The following NUP210 variants were observed in gnomAD, a reference collection of about 807,000 sequenced individuals.
NUP210 encodes nuclear pore membrane glycoprotein 210.
NUP210 carries 151 observed loss-of-function variants against 196.0 expected under a neutral mutation model. The observed-to-expected ratio is 0.77, with a 90% CI of 0.67 to 0.88. The LOEUF is 0.88. Ranked by LOEUF, NUP210 falls within the 40% of genes least tolerant of loss-of-function variation. The pLI is 0.00. For missense variants in NUP210, 2,314 were observed against 2,493.7 expected (o/e 0.93, Z 1.53); for synonymous variants, 1,070 against 1,052.7 (o/e 1.02, Z -0.32).
At chr3:13,392,644 C>T (rs1439678430) in intron 3 of NUP210, among the ~76,000 whole-genome samples, 3 of 152,196 alleles carry the variant, frequency 2.0e-5, no homozygotes, top group Non-Finnish European at 4.4e-5. Context: ...ACCCTTCCCG[C>T]ATACCCCAGG....
chr3:13,360,968 C>T (rs1005030384), intron 14 of NUP210, among the ~76,000 whole-genome samples: 14 of 152,196 alleles, frequency 9.2e-5, no homozygotes, highest in African/African-American at 2.9e-4. Flanking sequence ...GAACCTTATG[C>T]GGGCCCCCAA....
chr3:13,394,268 C>A (rs1274338494), intron 3 of NUP210, among the ~76,000 whole-genome samples: 1 of 152,214 alleles, frequency 6.6e-6, no homozygotes, highest in Non-Finnish European at 1.5e-5. Flanking sequence ...TCTTTGGATA[C>A]CCTGAGCTAG....
At chr3:13,360,573 A>C (rs1576382306) in intron 14 of NUP210, 82 bp from the exon 15 acceptor site, 2 of 1,083,708 alleles carry the variant, frequency 1.8e-6, no homozygotes, top group Non-Finnish European at 2.6e-6. Context: ...CCACATCCTC[A>C]CCCCGCTTGT....
At position 13,341,880 on chromosome 3, in the gene NUP210, G is replaced by A. The variant is rs751608470; in HGVS notation, c.3096C>T (p.Ala1032=). The change falls in exon 23 of 40, where the codon GCC becomes GCT. Residue 1032 remains alanine, a synonymous_variant. Coordinates refer to ENST00000254508, the MANE Select transcript of NUP210 (RefSeq NM_024923.4). ...RAASPIITLV[A]LDEALDNYTI... ...TGTAGTTGTCAAGGGCTTCATCAAG[G>A]GCCCTGAAACAGAGGGAAGGGCTGG... is the stretch of plus-strand genomic sequence containing the variant. The A allele has an allele frequency of 6.2e-7, 1 of 1,614,146 alleles. No homozygotes were observed. The highest frequency in any genetic ancestry group is 2.2e-5 in the East Asian group (1 of 44,876).
rs534960040 is a variant in NUP210, at chr3:13,340,349, G to A, written c.3229-51C>T. The A allele has an allele frequency of 1.5e-5, 23 of 1,520,556 alleles. No individual in the cohort carries two copies. Among genetic ancestry groups the A allele is most frequent in the African/African-American group, 5.5e-5 (4 of 73,190 alleles). 94.2% of individuals were successfully genotyped at this position (1,520,556 alleles called of 1,614,324 possible). A position where few individuals can be genotyped will look rare whatever the true frequency, so the allele number is the denominator to read the frequency against. ...GACTACTGTGCCCCAAGCCCATGGC[G>A]CCAAGCATAACTCACACACTACATG... On this transcript the variant is annotated intron_variant, in intron 23 of 39. Coordinates refer to ENST00000254508, the MANE Select transcript of NUP210 (RefSeq NM_024923.4). This position sits in a 1 kb window ranked among gnomAD's most constrained non-coding sequence, Gnocchi z 4.0.
chr3:13,330,419 T>C (rs1472554366), intron 30 of NUP210, 41 bp downstream of exon 30: 8 of 1,591,588 alleles, frequency 5.0e-6, no homozygotes, highest in Non-Finnish European at 6.9e-6. Flanking sequence ...CTCAGTGCTA[T>C]TGCTTTCATT....
chr3:13,382,387 A>G (rs1309211485), intron 6 of NUP210, among the ~76,000 whole-genome samples: 1 of 152,206 alleles, frequency 6.6e-6, no homozygotes, highest in Non-Finnish European at 1.5e-5. Flanking sequence ...CCTCACTTGC[A>G]GACATGATGT....
Position 13,330,585 on chromosome 3 carries a change from C to G in NUP210, c.3985G>C (p.Val1329Leu), listed in dbSNP as rs746131631. The change falls in exon 30 of 40, where the codon GTT becomes CTT. Residue 1329 changes from valine (V) to leucine (L), a missense_variant. By Grantham distance (32) the Val-to-Leu change is conservative. Transcript: ENST00000254508. Reference sequence around the variant, plus strand: ...TTCTCATCAACATGCACAACTGGAACCTTTTCGGGTCCATCCAGGACGCGG... The same window carrying G: ...TTCTCATCAACATGCACAACTGGAAGCTTTTCGGGTCCATCCAGGACGCGG... Reference protein sequence around the residue: ...SYRVLDGPEKVPVVHVDEKGF... With the variant: ...SYRVLDGPEKLPVVHVDEKGF... 1 of 1,614,096 alleles carries G rather than the reference C, an allele frequency of 6.2e-7. No individual in the cohort carries two copies. Among genetic ancestry groups the G allele is most frequent in the African/African-American group, 1.3e-5 (1 of 74,940 alleles).
At chr3:13,393,845 G>C (rs545914650) in intron 3 of NUP210, among the ~76,000 whole-genome samples, 239 of 152,320 alleles carry the variant, frequency 1.6e-3, no homozygotes, top group Non-Finnish European at 2.6e-3. Flanking sequence ...AACCAGGAAA[G>C]CCAGGGATCC....
At chr3:13,419,827 G>C (rs1025446518) in intron 1 of NUP210, among the ~76,000 whole-genome samples, 1 of 152,018 alleles carries the variant, frequency 6.6e-6, no homozygotes, top group Non-Finnish European at 1.5e-5. Context: ...ACGGCCGCCA[G>C]GCTGCGCCCG....
Position 13,373,832 on chromosome 3 carries a change from G to A in NUP210, c.1473C>T (p.Ser491=). 6.2e-7 allele frequency: 1 copy of A among 1,614,048 alleles called. No individual in the cohort carries two copies. Among genetic ancestry groups the A allele is most frequent in the East Asian group, 2.2e-5 (1 of 44,882 alleles). Residue 491 remains serine, a synonymous_variant, in exon 12 of 40, where the codon AGC becomes AGT. Transcript: ENST00000254508. ...TGACAGTAACTGTGGCAACCAGGTG[G>A]CTTGACGAAGACCAGCTGAAGTTCC... ...GSGNFSWSSS[S]HLVATVTVKG...
intron 29 of NUP210, 87 bp from the exon 30 acceptor site, chr3:13,330,721 G>A (rs1696962624): frequency 7.7e-7 from 1 of 1,299,932 alleles, no homozygotes; most frequent in African/African-American, 1.5e-5. Context: ...AAGAGTCTGT[G>A]GCTCCTCATG....
chr3:13,352,307 G>A (rs1038425382), intron 18 of NUP210, 123 bp from the exon 19 acceptor site: 8 of 666,342 alleles, frequency 1.2e-5, no homozygotes, highest in Non-Finnish European at 1.8e-5. Context: ...TGGTGCTCCT[G>A]AGCCCAGCAG....
At chr3:13,346,799 G>A (rs866991057) in intron 20 of NUP210, among the ~76,000 whole-genome samples, 1 of 152,190 alleles carries the variant, frequency 6.6e-6, no homozygotes, top group Admixed American at 6.5e-5. Context: ...TCAACGTCAC[G>A]TGATGGGCCA....
chr3:13,398,024 G>A (rs1474869970), intron 2 of NUP210, among the ~76,000 whole-genome samples: 2 of 152,214 alleles, frequency 1.3e-5, no homozygotes, highest in Non-Finnish European at 2.9e-5. Flanking sequence ...CAAGTGTAAG[G>A]ATAGCAGCAA....
intron 3 of NUP210, among the ~76,000 whole-genome samples, chr3:13,394,321 A>G (rs564057935): frequency 6.6e-6 from 1 of 152,338 alleles, no homozygotes; most frequent in Admixed American, 6.5e-5. Flanking sequence ...GCCAGGAAAT[A>G]GCTGTGAAAA....
chr3:13,334,204 G>A (rs1021694494), intron 28 of NUP210, among the ~76,000 whole-genome samples: 3 of 152,212 alleles, frequency 2.0e-5, no homozygotes, highest in African/African-American at 4.8e-5. Context: ...TCTACCTGCT[G>A]TCAGATAGGG....
chr3:13,346,149 T>A lies in NUP210; in HGVS notation c.2836-2846A>T, dbSNP rs766735189. Among the ~76,000 whole-genome samples, 27 of 152,336 alleles carry A rather than the reference T, an allele frequency of 1.8e-4. No homozygotes were observed. In the Middle Eastern group the frequency reaches 0.027, roughly 154 times the overall value. ...CCAGGGGATGGGCATCCAGCTACCA[T>A]CTCTGGAGCCCTCGAAGCGTGGCCT... On this transcript the variant is annotated intron_variant, in intron 20 of 39. Coordinates refer to ENST00000254508, the MANE Select transcript of NUP210 (RefSeq NM_024923.4).
chr3:13,377,365 G>T (rs532978223), intron 9 of NUP210, 91 bp downstream of exon 9: 2 of 879,054 alleles, frequency 2.3e-6, no homozygotes, highest in Non-Finnish European at 3.8e-6. Context: ...CTGCATGGGG[G>T]CTCCTGTTGC....
Sources: allele counts gnomAD v4.1 joint callset (sites outside exome capture counted in the v4.1 genomes callset), GRCh38; gene constraint gnomAD v4.1.1; non-coding constraint Gnocchi (gnomAD v3.1); transcripts MANE v1.5; gene names NCBI Gene and HGNC (gene_info 2026-07-23, HGNC 2026-07-21).